Variants in UNC13B observed in about 807,000 individuals in gnomAD.
The protein encoded by UNC13B is unc-13 homolog B, also known as protein unc-13 homolog B.
In UNC13B, 144 loss-of-function variants were observed where a neutral mutation model predicts 211.0. The ratio of observed to expected loss-of-function variants is 0.68; its 90% CI spans 0.60 to 0.78. The LOEUF (loss-of-function observed/expected upper bound fraction) is 0.78. Ranked by LOEUF, UNC13B falls within the 30% of genes least tolerant of loss-of-function variation. The pLI, the probability that UNC13B is intolerant of heterozygous loss-of-function variation, is 0.00. For missense variants in UNC13B, 1,777 were observed against 2,002.0 expected (o/e 0.89, Z 2.14); for synonymous variants, 709 against 725.8 (o/e 0.98, Z 0.37).
intron 1 of UNC13B, among the ~76,000 whole-genome samples, chr9:35,187,330 C>A (rs1035926787): frequency 2.0e-5 from 3 of 152,186 alleles, no homozygotes; most frequent in Non-Finnish European, 1.5e-5. Context: ...GCATATTGAT[C>A]CAGCTTTTTA....
chr9:35,211,538 A>G (rs1404266617), intron 1 of UNC13B, among the ~76,000 whole-genome samples: 2 of 152,194 alleles, frequency 1.3e-5, no homozygotes, highest in Admixed American at 6.5e-5. Context: ...ACATTTTACT[A>G]TTGCCAAATA....
At chr9:35,258,884 T>C in intron 6 of UNC13B, 109 bp from the exon 7 acceptor site, 1 of 1,021,508 alleles carries the variant, frequency 9.8e-7, no homozygotes. Context: ...CAATAAAAAT[T>C]TTGTTTCCAA....
At chr9:35,238,900 G>A (rs931625709) in intron 5 of UNC13B, among the ~76,000 whole-genome samples, 32 of 138,904 alleles carry the variant, frequency 2.3e-4, no homozygotes, top group African/African-American at 7.6e-4. Context: ...TTGACAGGTG[G>A]GTTTTTTCAT....
intron 10 of UNC13B, 35 bp downstream of exon 10, chr9:35,310,816 T>G (rs765182910): frequency 2.5e-5 from 39 of 1,583,188 alleles, no homozygotes; most frequent in Non-Finnish European, 3.3e-5. Context: ...CTCACATGGC[T>G]TCCTCAGTAC....
chr9:35,330,476 CT>C (rs1831306763), intron 11 of UNC13B, among the ~76,000 whole-genome samples: 1 of 152,210 alleles, frequency 6.6e-6, no homozygotes, highest in Admixed American at 6.5e-5. Context: ...CAGGTCTCCC[CT>C]GTGGTAACAG....
intron 11 of UNC13B, among the ~76,000 whole-genome samples, chr9:35,336,289 T>C (rs1252102843): frequency 6.6e-6 from 1 of 152,072 alleles, no homozygotes; most frequent in Non-Finnish European, 1.5e-5. Context: ...CCACTTCCTC[T>C]TCTATATATC....
In UNC13B at chr9:35,308,384, G is replaced by C. The variant is rs1014806981; in HGVS notation, c.8980G>C (p.Asp2994His). 3 of 398,900 alleles carry C rather than the reference G, an allele frequency of 7.5e-6. No homozygotes were observed. The highest frequency in any genetic ancestry group is 1.3e-5 in the Non-Finnish European group (3 of 226,084). The allele number at this position is 398,900 out of a possible 1,614,324, so 24.7% of individuals were successfully genotyped here. The change falls in exon 9 of 40, where the codon GAC becomes CAC. Residue 2994 changes from aspartate (D) to histidine (H), a missense_variant. Asp to His is a moderately conservative substitution (Grantham distance 81). Coordinates refer to ENST00000635942, the MANE Select transcript of UNC13B (RefSeq NM_001371189.2). ...LNVQQPVTLN[D>H]IKEPMTNKSP... ...TGTACAGCAGCCAGTCACTCTGAATGACATCAAGGAGCCCATGACCAACAA... is the reference window on the plus strand; with the variant it reads ...TGTACAGCAGCCAGTCACTCTGAATCACATCAAGGAGCCCATGACCAACAA...
intron 39 of UNC13B, 48 bp downstream of exon 39, chr9:35,403,647 TGAG>T (rs1564204589): frequency 2.7e-6 from 1 of 369,378 alleles, no homozygotes; most frequent in East Asian, 1.0e-4. Flanking sequence ...GGGTAAGACT[TGAG>T]GGGTGGGGGG....
At chr9:35,337,538 A>G (rs1166091981) in intron 11 of UNC13B, among the ~76,000 whole-genome samples, 4 of 152,128 alleles carry the variant, frequency 2.6e-5, no homozygotes, top group African/African-American at 9.7e-5. Flanking sequence ...TCTTTCCACC[A>G]TGCTTCCCTC....
In UNC13B at chr9:35,335,851, G is replaced by GTGCC. The variant is rs550908261; in HGVS notation, c.9414+21863_9414+21866dup. ...TTAGAATAGCTAGGACTACAAGGAT[G>GTGCC]TGCCACCAGACCTGGCTAATTTTTA... On this transcript the variant is annotated intron_variant, in intron 11 of 39. Transcript: ENST00000635942. Among the ~76,000 whole-genome samples the GTGCC allele has an allele frequency of 3.5e-4, 53 of 152,178 alleles. No individual in the cohort carries two copies. In the East Asian group the frequency reaches 9.7e-3, roughly 28 times the overall value.
intron 16 of UNC13B, 109 bp from the exon 17 acceptor site, chr9:35,378,186 C>T (rs899375791): frequency 7.1e-6 from 10 of 1,408,144 alleles, no homozygotes; most frequent in African/African-American, 5.7e-5. Flanking sequence ...AATGGGATTA[C>T]GGTATCTGTG....
chr9:35,338,782 A>G (rs762513690), intron 11 of UNC13B, among the ~76,000 whole-genome samples: 10 of 152,124 alleles, frequency 6.6e-5, no homozygotes, highest in Non-Finnish European at 1.2e-4. Flanking sequence ...GCTGGTCCTG[A>G]CCCAGCCTGT....
At chr9:35,326,279 A>G (rs1831005193) in intron 11 of UNC13B, among the ~76,000 whole-genome samples, 1 of 152,186 alleles carries the variant, frequency 6.6e-6, no homozygotes, top group African/African-American at 2.4e-5. Context: ...TTTGGAGTTT[A>G]GTAGTCTCCT....
At chr9:35,277,127 G>A (rs182231792) in intron 7 of UNC13B, among the ~76,000 whole-genome samples, 2 of 152,124 alleles carry the variant, frequency 1.3e-5, no homozygotes, top group African/African-American at 2.4e-5. Context: ...AGGGAGTGAC[G>A]CTTGGTTGTT....
intron 1 of UNC13B, among the ~76,000 whole-genome samples, chr9:35,162,864 A>T (rs1009557816): frequency 6.6e-6 from 1 of 152,090 alleles, no homozygotes; most frequent in African/African-American, 2.4e-5. Context: ...TGAGGATAAG[A>T]GGTATGATTT....
intron 22 of UNC13B, chr9:35,385,397 TCATC>T (rs555002268): frequency 0.012 from 11,663 of 985,440 alleles, 81 homozygotes; most frequent in Non-Finnish European, 0.013. Flanking sequence ...GTAAGAATCT[TCATC>T]CAAGAAAAAA....
chr9:35,330,029 A>G (rs1831278810), intron 11 of UNC13B, among the ~76,000 whole-genome samples: 1 of 152,170 alleles, frequency 6.6e-6, no homozygotes, highest in African/African-American at 2.4e-5. Flanking sequence ...AATTGTTACT[A>G]ACAAAATTTA....
Position 35,237,711 on chromosome 9 carries a change from T to C in UNC13B, c.279T>C (p.Pro93=), listed in dbSNP as rs1587437552. 1 of 1,613,246 alleles carries C rather than the reference T, an allele frequency of 6.2e-7. No homozygotes were observed. The highest frequency in any genetic ancestry group is 8.5e-7 in the Non-Finnish European group (1 of 1,179,782). ...AGATCTTTGTTTCCTAGGAAGGGCC[T>C]GGGGAATGGTCCACATTAGAGGCAG... ...KTIRQSDEEG[P]GEWSTLEAET... The change falls in exon 5 of 40, where the codon CCT becomes CCC. Residue 93 remains proline, a synonymous_variant. Transcript: ENST00000635942.
chr9:35,382,153 A>G (rs903894284), intron 20 of UNC13B, among the ~76,000 whole-genome samples: 1 of 152,184 alleles, frequency 6.6e-6, no homozygotes, highest in Non-Finnish European at 1.5e-5. Context: ...TTGAATGGGA[A>G]TTCCAGATTG....
Sources: allele counts gnomAD v4.1 joint callset (sites outside exome capture counted in the v4.1 genomes callset), GRCh38; gene constraint gnomAD v4.1.1; transcripts MANE v1.5; gene names NCBI Gene and HGNC (gene_info 2026-07-23, HGNC 2026-07-21).